CPEB1: variants seen among roughly 807,000 people sequenced by gnomAD.
The protein encoded by CPEB1 is cytoplasmic polyadenylation element-binding protein 1.
CPEB1 carries 7 observed loss-of-function variants against 65.8 expected under a neutral mutation model. The ratio of observed to expected loss-of-function variants is 0.11; its 90% CI spans 0.06 to 0.20. The LOEUF is 0.20. Among genes scored for constraint, CPEB1 ranks in the 10% least tolerant of loss-of-function variants. The pLI, the probability that CPEB1 is intolerant of heterozygous loss-of-function variation, is 1.00. For synonymous variants in CPEB1, 262 were observed against 260.0 expected, an observed-to-expected ratio of 1.01 and a Z score of -0.08; for missense variants, 551 against 712.2, an observed-to-expected ratio of 0.77 and a Z score of 2.58.
chr15:82,647,593 G>A, upstream of CPEB1: 1 of 322,736 alleles, frequency 3.1e-6, no homozygotes, highest in East Asian at 4.8e-5. Context: ...AGTGCGGCTC[G>A]GAGGCCCCAC....
At chr15:82,555,194 T>A (rs1256049075) in intron 6 of CPEB1, among the ~76,000 whole-genome samples, 1 of 152,234 alleles carries the variant, frequency 6.6e-6, no homozygotes, top group African/African-American at 2.4e-5. Flanking sequence ...TTAAACCTTT[T>A]AAAATATATA....
At chr15:82,589,469 C>T (rs544122164) in intron 3 of CPEB1, among the ~76,000 whole-genome samples, 1 of 152,272 alleles carries the variant, frequency 6.6e-6, no homozygotes, top group South Asian at 2.1e-4. Flanking sequence ...TGTGGCCAGG[C>T]ATGGTAGCTA....
intron 1 of CPEB1, chr15:82,640,846 A>T (rs2047045123): frequency 6.6e-6 from 1 of 151,912 alleles, no homozygotes; most frequent in African/African-American, 2.4e-5. Flanking sequence ...AGAATGCGGC[A>T]TTTGGGGAGA....
chr15:82,645,693 C>T (rs2047448105), intron 1 of CPEB1, among the ~76,000 whole-genome samples: 1 of 151,936 alleles, frequency 6.6e-6, no homozygotes, highest in Non-Finnish European at 1.5e-5. Flanking sequence ...CATGCTGAAA[C>T]CCCATCTCTA....
intron 3 of CPEB1, among the ~76,000 whole-genome samples, chr15:82,609,061 G>A (rs940755759): frequency 1.3e-5 from 2 of 152,128 alleles, no homozygotes; most frequent in Non-Finnish European, 2.9e-5. Context: ...TTCTCAAAAC[G>A]TGGAAATTAA....
chr15:82,648,013 C>T (rs905037132), upstream of CPEB1: 203 of 594,832 alleles, frequency 3.4e-4, no homozygotes, highest in Non-Finnish European at 4.5e-4. Flanking sequence ...ACGAGCCGCT[C>T]CTCGGAGCCG....
intron 3 of CPEB1, among the ~76,000 whole-genome samples, chr15:82,613,490 C>T (rs1279777745): frequency 5.3e-5 from 8 of 151,848 alleles, no homozygotes; most frequent in Non-Finnish European, 5.9e-5. Flanking sequence ...TGAGCTCAAG[C>T]GATCCTCCCA....
intron 3 of CPEB1, among the ~76,000 whole-genome samples, chr15:82,578,948 C>T (rs185638758): frequency 3.3e-5 from 5 of 152,216 alleles, no homozygotes; most frequent in South Asian, 2.1e-4. Flanking sequence ...TCCAGCCTCC[C>T]GAGTAGCTGG....
rs541895057 is a variant in CPEB1 at position 82,604,834 on chromosome 15, GA to G, written c.271+22358del. Among the ~76,000 whole-genome samples, 322 of 152,226 alleles carry G rather than the reference GA, an allele frequency of 2.1e-3. 3 individuals carry two copies. The highest frequency in any genetic ancestry group is 0.014 in the Middle Eastern group (4 of 294). On this transcript the variant is annotated intron_variant, in intron 3 of 12. Transcript: ENST00000684509. The stretch of plus-strand genomic sequence containing the variant: ...CCAAAGCAGATGAGGGAAAGAGACA[GA>G]ATATGTGAAGAAATAATGGCAGAAA...
chr15:82,602,652 C>G (rs536810635), intron 3 of CPEB1, among the ~76,000 whole-genome samples: 1 of 152,112 alleles, frequency 6.6e-6, no homozygotes, highest in Non-Finnish European at 1.5e-5. Flanking sequence ...TTGAGACCAG[C>G]CTGGCCAACA....
intron 3 of CPEB1, among the ~76,000 whole-genome samples, chr15:82,615,393 A>C (rs783524): frequency 0.27 from 40,797 of 152,090 alleles, 5,907 homozygotes; most frequent in South Asian, 0.42. Flanking sequence ...CTTTGAATAA[A>C]ATAATTTTTT....
intron 3 of CPEB1, among the ~76,000 whole-genome samples, chr15:82,606,846 A>T (rs2043659238): frequency 6.7e-6 from 1 of 150,258 alleles, no homozygotes; most frequent in South Asian, 2.1e-4. Flanking sequence ...ATACATAGTA[A>T]AAGAGGCCAG....
intron 6 of CPEB1, among the ~76,000 whole-genome samples, chr15:82,554,866 T>C (rs1145172): frequency 0.41 from 62,188 of 152,134 alleles, 12,764 homozygotes; most frequent in South Asian, 0.47. Flanking sequence ...AAAAACAGAA[T>C]ATAATGGTCT....
chr15:82,644,938 T>C (rs1161008717), intron 1 of CPEB1, among the ~76,000 whole-genome samples: 5 of 152,206 alleles, frequency 3.3e-5, no homozygotes, highest in Non-Finnish European at 7.3e-5. Context: ...GGGCACTGGT[T>C]TGTGCACTAC....
chr15:82,557,021 GAA>G (rs2150974946), intron 5 of CPEB1, among the ~76,000 whole-genome samples: 1 of 152,354 alleles, frequency 6.6e-6, no homozygotes, highest in South Asian at 2.1e-4. Context: ...TAAGGCATCT[GAA>G]ACTGTATTCT....
rs1460929892 is a variant in CPEB1, at chr15:82,544,502, C to T, written c.*90G>A. ...TTTTCCCTTGTCCTTGGGAAGCCAG[C>T]TCCCTGGTCGCCAGTGGCAGGGTGG... On this transcript the variant is annotated 3_prime_UTR_variant, in exon 13 of 13. Coordinates refer to ENST00000684509, the MANE Select transcript of CPEB1 (RefSeq NM_001365242.1). 1.1e-6 allele frequency: 1 copy of T among 890,322 alleles called. No individual in the cohort carries two copies. Among genetic ancestry groups the T allele is most frequent in the African/African-American group, 1.7e-5 (1 of 60,230 alleles). The allele number at this position is 890,322 out of a possible 1,614,324, so 55.2% of individuals were successfully genotyped here. A position where few individuals can be genotyped will look rare whatever the true frequency, so the allele number is the denominator to read the frequency against.
chr15:82,631,980 CTCT>C (rs1302047962), intron 1 of CPEB1, among the ~76,000 whole-genome samples: 14 of 95,312 alleles, frequency 1.5e-4, no homozygotes, highest in South Asian at 3.2e-4. Context: ...TTATTTTTTT[CTCT>C]TTTTTTTTTT....
chr15:82,626,797 TAATA>T (rs2151316305), intron 3 of CPEB1, among the ~76,000 whole-genome samples: 1 of 152,310 alleles, frequency 6.6e-6, no homozygotes, highest in African/African-American at 2.4e-5. Flanking sequence ...AAAATCTCAT[TAATA>T]GTTTTCATAT....
intron 3 of CPEB1, among the ~76,000 whole-genome samples, chr15:82,577,087 A>C (rs936229495): frequency 7.2e-5 from 11 of 152,248 alleles, no homozygotes; most frequent in Non-Finnish European, 1.3e-4. Context: ...AATAAAGTTA[A>C]ATCTATAGGC....
Sources: gnomAD v4.1 joint callset for allele counts (sites outside exome capture counted in the v4.1 genomes callset) on GRCh38, gnomAD v4.1.1 for gene constraint, MANE v1.5 for transcripts, NCBI Gene and HGNC (gene_info 2026-07-23, HGNC 2026-07-21) for gene names.